Variants in OPA1 observed in about 807,000 individuals in gnomAD.
OPA1 encodes the protein dynamin-like GTPase OPA1, mitochondrial.
Under a neutral mutation model 152.9 loss-of-function variants are expected in OPA1, and 59 were observed. The ratio of observed to expected loss-of-function variants is 0.39; its 90% CI spans 0.31 to 0.48. The LOEUF is 0.48. OPA1 is among the 20% of genes least tolerant of loss of function. The probability of loss-of-function intolerance (pLI) is 0.96; values close to 1 mark genes in which losing one functional copy is unlikely to be tolerated. For synonymous variants in OPA1, 400 were observed against 389.9 expected, an observed-to-expected ratio of 1.03 and a Z score of -0.31; for missense variants, 1,008 against 1,216.8, an observed-to-expected ratio of 0.83 and a Z score of 2.55.
chr3:193,676,913 G>A lies in OPA1; in HGVS notation c.2983+9633G>A, dbSNP rs527749037. 5.9e-3 allele frequency among the ~76,000 whole-genome samples: 889 copies of A among 150,774 alleles called. 1 individual carries two copies. The highest frequency in any genetic ancestry group is 8.9e-3 in the Non-Finnish European group (601 of 67,790). Reference sequence around the variant, plus strand: ...GGAGAATGGCGTGAACCTGGGAGGCGGAGCTTGCGGTGAGCCGAGATCGCG... The same window carrying A: ...GGAGAATGGCGTGAACCTGGGAGGCAGAGCTTGCGGTGAGCCGAGATCGCG... On this transcript the variant is annotated intron_variant, in intron 29 of 30. Transcript: ENST00000361510.
intron 29 of OPA1, among the ~76,000 whole-genome samples, chr3:193,676,797 A>ATG (rs1560063165): frequency 6.6e-6 from 1 of 151,986 alleles, no homozygotes; most frequent in African/African-American, 2.4e-5. Context: ...TGGCTAACAC[A>ATG]GTGAAACCCC....
chr3:193,605,558 C>T (rs1352049370), intron 1 of OPA1, among the ~76,000 whole-genome samples: 1 of 152,100 alleles, frequency 6.6e-6, no homozygotes, highest in African/African-American at 2.4e-5. Flanking sequence ...GGCCCATAAA[C>T]ATTAGGTGTT....
chr3:193,614,000 A>C (rs1488218192), intron 1 of OPA1: 3 of 518,412 alleles, frequency 5.8e-6, no homozygotes, highest in African/African-American at 3.9e-5. Context: ...TATGTATGCA[A>C]CTATGAGTGT....
At position 193,626,176 on chromosome 3, in the gene OPA1, A is replaced by G; in HGVS notation, c.763A>G (p.Thr255Ala). 1 of 1,613,938 alleles carries G rather than the reference A, an allele frequency of 6.2e-7. No homozygotes were observed. The change falls in exon 7 of 31, where the codon ACG becomes GCG. Residue 255 changes from threonine (T) to alanine (A), a missense_variant. This residue lies in a region of OPA1 where 408 missense variants were observed against 395.1 expected (regional missense o/e 1.03). Transcript: ENST00000361510. Reference sequence around the variant, plus strand: ...GCGCAGAGCCGCTGGCCAATATAGCACGAGCTATGCCCAACAGAAGCGCAA... The same window carrying G: ...GCGCAGAGCCGCTGGCCAATATAGCGCGAGCTATGCCCAACAGAAGCGCAA... The part of the protein sequence containing the change: ...EARRAAGQYS[T>A]SYAQQKRKVS...
In OPA1 at chr3:193,675,338, A is replaced by C. The variant is rs6778842; in HGVS notation, c.2983+8058A>C. On this transcript the variant is annotated intron_variant, in intron 29 of 30. Transcript: ENST00000361510. ...TTTTTTTTTTTTAAGAAAAAAAAAA[A>C]AAAAAAAAAAAACACCCAATCAAGA... Among the ~76,000 whole-genome samples, 498 of 134,972 alleles carry C rather than the reference A, an allele frequency of 3.7e-3. 1 individual carries two copies. The highest frequency in any genetic ancestry group is 6.0e-3 in the Non-Finnish European group (376 of 63,120). 88.5% of individuals were successfully genotyped at this position (134,972 alleles called of 152,430 possible).
intron 29 of OPA1, among the ~76,000 whole-genome samples, chr3:193,684,091 C>T (rs1054552017): frequency 6.6e-6 from 1 of 152,098 alleles, no homozygotes; most frequent in Non-Finnish European, 1.5e-5. Flanking sequence ...TCTTCGTACG[C>T]ACAACTGAGA....
chr3:193,648,919 G>C, intron 21 of OPA1, 48 bp downstream of exon 21: 2 of 1,237,956 alleles, frequency 1.6e-6, no homozygotes, highest in Non-Finnish European at 2.4e-6. Context: ...TACTGTACAG[G>C]TTATAATGAA....
At chr3:193,660,841 A>T (rs1288107391) in intron 25 of OPA1, among the ~76,000 whole-genome samples, 1 of 152,182 alleles carries the variant, frequency 6.6e-6, no homozygotes, top group African/African-American at 2.4e-5. Flanking sequence ...ATGGGCCGAG[A>T]GAAGGAGGTC....
At chr3:193,639,758 C>T (rs1328231005) in intron 11 of OPA1, among the ~76,000 whole-genome samples, 1 of 152,152 alleles carries the variant, frequency 6.6e-6, no homozygotes, top group Non-Finnish European at 1.5e-5. Context: ...TAGTTGTAGC[C>T]AAGATGTAGA....
chr3:193,635,550 C>A, intron 9 of OPA1, 28 bp downstream of exon 9: 2 of 1,325,084 alleles, frequency 1.5e-6, no homozygotes, highest in African/African-American at 1.4e-5. Context: ...TGTTTATTCT[C>A]AAAATTTTAC....
chr3:193,667,630 C>A (rs975502037), intron 29 of OPA1, among the ~76,000 whole-genome samples: 1 of 143,184 alleles, frequency 7.0e-6, no homozygotes, highest in Non-Finnish European at 1.5e-5. Context: ...AAGATCCTGC[C>A]ACTGCACTCC....
At chr3:193,654,316 T>C (rs1459383738) in intron 21 of OPA1, among the ~76,000 whole-genome samples, 1 of 151,880 alleles carries the variant, frequency 6.6e-6, no homozygotes, top group African/African-American at 2.4e-5. Flanking sequence ...AGCAACATAG[T>C]GAGACCCCAT....
At chr3:193,603,087 T>C (rs1246903970) in intron 1 of OPA1, among the ~76,000 whole-genome samples, 1 of 152,206 alleles carries the variant, frequency 6.6e-6, no homozygotes, top group Non-Finnish European at 1.5e-5. Flanking sequence ...TTATAAGCCA[T>C]TTTAGTAATG....
At chr3:193,647,219 A>G (rs746342444) in intron 19 of OPA1, 39 bp downstream of exon 19, 12 of 1,302,370 alleles carry the variant, frequency 9.2e-6, no homozygotes, top group Non-Finnish European at 1.3e-5. Flanking sequence ...AAATTAAGAC[A>G]TTTTATTAGC....
At chr3:193,677,622 G>A (rs1400008198) in intron 29 of OPA1, among the ~76,000 whole-genome samples, 4 of 152,174 alleles carry the variant, frequency 2.6e-5, no homozygotes, top group African/African-American at 7.2e-5. Context: ...CCTCTGTTAA[G>A]TACAGTTCTC....
At chr3:193,622,113 T>C (rs577487127) in intron 6 of OPA1, among the ~76,000 whole-genome samples, 22 of 152,136 alleles carry the variant, frequency 1.4e-4, no homozygotes, top group Non-Finnish European at 2.6e-4. Context: ...TTATAGAAAA[T>C]ATTTGAAGGA....
intron 21 of OPA1, among the ~76,000 whole-genome samples, chr3:193,653,858 A>G (rs1034159958): frequency 6.6e-6 from 1 of 152,208 alleles, no homozygotes; most frequent in African/African-American, 2.4e-5. Context: ...CACAATGACC[A>G]CTATAAACTT....
At chr3:193,664,300 C>T (rs1716002044) in intron 26 of OPA1, among the ~76,000 whole-genome samples, 1 of 152,042 alleles carries the variant, frequency 6.6e-6, no homozygotes, top group South Asian at 2.1e-4. Flanking sequence ...TCTGACCTCA[C>T]TTACCTCATC....
chr3:193,655,109 C>A (rs1577288032), intron 22 of OPA1, 82 bp downstream of exon 22: 3 of 1,259,530 alleles, frequency 2.4e-6, no homozygotes, highest in Non-Finnish European at 1.2e-6. Flanking sequence ...TTATTCCCAT[C>A]ACAGCCTCTA....
Sources: gnomAD v4.1 joint callset for allele counts (sites outside exome capture counted in the v4.1 genomes callset) on GRCh38, gnomAD v4.1.1 for gene constraint, gnomAD v4.1.1 regional missense constraint, MANE v1.5 for transcripts, NCBI Gene and HGNC (gene_info 2026-07-23, HGNC 2026-07-21) for gene names.